GRM5: variants seen among roughly 807,000 people sequenced by gnomAD.
GRM5 encodes metabotropic glutamate receptor 5.
GRM5 carries 19 observed loss-of-function variants against 83.1 expected under a neutral mutation model. That is an observed-to-expected ratio of 0.23 (90% CI 0.16 to 0.34). The LOEUF (loss-of-function observed/expected upper bound fraction) is 0.34. GRM5 is among the 10% of genes least tolerant of loss of function. GRM5 has a pLI of 1.00. For synonymous variants in GRM5, 675 were observed against 633.6 expected (o/e 1.07, Z -0.98); for missense variants, 1,160 against 1,588.3 (o/e 0.73, Z 4.58).
intron 7 of GRM5, among the ~76,000 whole-genome samples, chr11:88,576,578 C>T (rs1218858200): frequency 6.6e-6 from 1 of 152,086 alleles, no homozygotes; most frequent in East Asian, 1.9e-4. Flanking sequence ...GAGCCTTTTA[C>T]TCTATGTCTC....
In GRM5 at chr11:88,509,154, C is replaced by G; in HGVS notation, c.3077G>C (p.Ser1026Thr). ...GCGGCTGGCCGAGCCCGCGCGGTGGCTCAGCGTGCTGATGGGCGACGGTGA... is the reference window on the plus strand; with the variant it reads ...GCGGCTGGCCGAGCCCGCGCGGTGGGTCAGCGTGCTGATGGGCGACGGTGA... ...PRSPSPISTL[S>T]HRAGSASRTD... The change falls in exon 10 of 10, where the codon AGC becomes ACC. Residue 1026 changes from serine to threonine, a missense_variant. Transcript: ENST00000305447. The G allele has an allele frequency of 1.4e-5, 22 of 1,539,218 alleles. No individual in the cohort carries two copies. Among genetic ancestry groups the G allele is most frequent in the Non-Finnish European group, 1.9e-5 (22 of 1,144,106 alleles).
In GRM5 at chr11:88,895,353, T is replaced by C. The variant is rs571329982; in HGVS notation, c.662-45198A>G. Among the ~76,000 whole-genome samples the C allele has an allele frequency of 1.4e-3, 217 of 152,086 alleles. 1 individual carries two copies. Among genetic ancestry groups the C allele is most frequent in the African/African-American group, 4.9e-3 (203 of 41,554 alleles). ...AGAATGATGAATATAAGTTTGGCAG[T>C]AGACAAGTTGGAATTTTTAACCTCA... On this transcript the variant is annotated intron_variant, in intron 2 of 9. Coordinates refer to ENST00000305447, the MANE Select transcript of GRM5 (RefSeq NM_001143831.3).
intron 2 of GRM5, among the ~76,000 whole-genome samples, chr11:88,952,175 T>C (rs1346825585): frequency 6.6e-6 from 1 of 152,158 alleles, no homozygotes; most frequent in Non-Finnish European, 1.5e-5. Flanking sequence ...TTCTCTGCGT[T>C]TTCTTTAAGC....
intron 8 of GRM5, among the ~76,000 whole-genome samples, chr11:88,546,849 G>A (rs1942395503): frequency 6.6e-6 from 1 of 152,078 alleles, no homozygotes; most frequent in South Asian, 2.1e-4. Context: ...CTGAGGAGAA[G>A]CATAAGGTTA....
chr11:88,936,306 G>C (rs574412413), intron 2 of GRM5, among the ~76,000 whole-genome samples: 2 of 151,918 alleles, frequency 1.3e-5, no homozygotes, highest in African/African-American at 2.4e-5. Context: ...AGAAGTCAAT[G>C]TATGGTGAGT....
At chr11:88,756,046 C>T (rs1565216094) in intron 3 of GRM5, among the ~76,000 whole-genome samples, 1 of 152,142 alleles carries the variant, frequency 6.6e-6, no homozygotes, top group Non-Finnish European at 1.5e-5. Context: ...GTATCTGCTC[C>T]TAGCAGCCAT....
At chr11:88,709,528 A>G (rs1941236832) in intron 3 of GRM5, among the ~76,000 whole-genome samples, 1 of 152,132 alleles carries the variant, frequency 6.6e-6, no homozygotes, top group African/African-American at 2.4e-5. Flanking sequence ...ATCAGAAATC[A>G]AAATCCAACC....
At chr11:89,023,927 T>C (rs1444157711) in intron 2 of GRM5, among the ~76,000 whole-genome samples, 12 of 150,672 alleles carry the variant, frequency 8.0e-5, no homozygotes, top group Non-Finnish European at 1.8e-4. Context: ...ATCTTAATAT[T>C]AAAGTTGTCC....
At chr11:89,031,719 A>ATTT (rs1421291284) in intron 2 of GRM5, among the ~76,000 whole-genome samples, 1 of 151,940 alleles carries the variant, frequency 6.6e-6, no homozygotes, top group African/African-American at 2.4e-5. Flanking sequence ...TGATTAAAAA[A>ATTT]TTTTTCTTCT....
At chr11:88,921,086 T>TTA (rs1555041642) in intron 2 of GRM5, among the ~76,000 whole-genome samples, 8 of 151,686 alleles carry the variant, frequency 5.3e-5, no homozygotes, top group Non-Finnish European at 1.0e-4. Flanking sequence ...CGTTTTTTTT[T>TTA]AATAAAGTGA....
At chr11:88,770,502 T>C (rs1421920930) in intron 3 of GRM5, among the ~76,000 whole-genome samples, 12 of 152,156 alleles carry the variant, frequency 7.9e-5, no homozygotes, top group Admixed American at 6.6e-4. Context: ...AAAACTTCTC[T>C]TAAAAATGAA....
intron 7 of GRM5, among the ~76,000 whole-genome samples, chr11:88,587,508 A>C (rs1488859919): frequency 6.6e-6 from 1 of 152,126 alleles, no homozygotes; most frequent in African/African-American, 2.4e-5. Flanking sequence ...AAAGCTTGGA[A>C]TATATCATAC....
At chr11:88,943,868 A>G (rs1220423461) in intron 2 of GRM5, among the ~76,000 whole-genome samples, 6 of 152,010 alleles carry the variant, frequency 3.9e-5, no homozygotes, top group Admixed American at 2.6e-4. Flanking sequence ...TCACATTTTC[A>G]CTACATGTTC....
At chr11:88,745,799 G>A (rs1043404060) in intron 3 of GRM5, among the ~76,000 whole-genome samples, 90 of 152,240 alleles carry the variant, frequency 5.9e-4, no homozygotes, top group Non-Finnish European at 1.1e-3. Flanking sequence ...AGAGCCTCTA[G>A]CAGCCAATCC....
rs914301590 is a variant in GRM5 at position 88,749,082 on chromosome 11, T to A, written c.912-95679A>T. On this transcript the variant is annotated intron_variant, in intron 3 of 9. Transcript: ENST00000305447. ...CACCTCTCGAGCAAGGACCCAGAAC[T>A]GGACTGAGGCTGAGATGGCTGAATT... Among the ~76,000 whole-genome samples the A allele has an allele frequency of 2.0e-5, 3 of 152,144 alleles. No homozygotes were observed. The East Asian group carries it at 5.8e-4, about 29-fold the overall frequency.
chr11:88,681,848 C>T (rs1034888458), intron 3 of GRM5, among the ~76,000 whole-genome samples: 4 of 151,800 alleles, frequency 2.6e-5, no homozygotes, highest in Non-Finnish European at 5.9e-5. Context: ...ACATTACAGG[C>T]GTGAGTCACT....
intron 8 of GRM5, among the ~76,000 whole-genome samples, chr11:88,564,529 G>C (rs996130016): frequency 6.6e-6 from 1 of 152,158 alleles, no homozygotes; most frequent in African/African-American, 2.4e-5. Flanking sequence ...ACAGGAGTGA[G>C]AGAGATATCT....
chr11:88,653,424 C>T (rs1591414339), intron 3 of GRM5, 21 bp from the exon 4 acceptor site: 1 of 1,541,728 alleles, frequency 6.5e-7, no homozygotes, highest in South Asian at 1.1e-5. Flanking sequence ...ATAAAAAAAC[C>T]CTCAGCTTAG....
intron 2 of GRM5, among the ~76,000 whole-genome samples, chr11:88,913,268 C>A (rs79160727): frequency 0.015 from 2,285 of 152,210 alleles, 50 homozygotes; most frequent in African/African-American, 0.052. Flanking sequence ...ATGGTGATAT[C>A]TCCTGTGCCT....
Sources: gnomAD v4.1 joint callset for allele counts (sites outside exome capture counted in the v4.1 genomes callset) on GRCh38, gnomAD v4.1.1 for gene constraint, MANE v1.5 for transcripts, NCBI Gene and HGNC (gene_info 2026-07-23, HGNC 2026-07-21) for gene names.